The following RALYL variants were observed in gnomAD, a reference collection of about 807,000 sequenced individuals.
RALYL encodes the protein RNA-binding Raly-like protein.
Under a neutral mutation model 35.1 loss-of-function variants are expected in RALYL, and 29 were observed. The ratio of observed to expected loss-of-function variants is 0.83; its 90% CI spans 0.61 to 1.13. The LOEUF is 1.13. Ranked by LOEUF, RALYL falls within the 50% of genes most tolerant of loss-of-function variation. RALYL has a pLI of 0.00. For missense variants in RALYL, 359 were observed against 360.4 expected (o/e 1.00, Z 0.03); for synonymous variants, 120 against 127.6 (o/e 0.94, Z 0.40).
intron 1 of RALYL, among the ~76,000 whole-genome samples, chr8:84,453,340 A>G (rs1220913805): frequency 6.6e-6 from 1 of 152,002 alleles, no homozygotes; most frequent in African/African-American, 2.4e-5. Context: ...TACTTCAGAC[A>G]TGATATCTAT....
chr8:84,419,513 A>G (rs1434244866), intron 1 of RALYL, among the ~76,000 whole-genome samples: 1 of 152,034 alleles, frequency 6.6e-6, no homozygotes, highest in East Asian at 1.9e-4. Flanking sequence ...GAAGTCTATT[A>G]GAACTGCTAC....
chr8:84,418,443 C>T (rs1039906831), intron 1 of RALYL, among the ~76,000 whole-genome samples: 4 of 151,992 alleles, frequency 2.6e-5, no homozygotes, highest in East Asian at 1.9e-4. Context: ...TGTCTAGAAC[C>T]GCCATTATTT....
intron 1 of RALYL, among the ~76,000 whole-genome samples, chr8:84,275,009 T>C (rs954052971): frequency 1.3e-5 from 2 of 152,174 alleles, no homozygotes; most frequent in Non-Finnish European, 2.9e-5. Flanking sequence ...CTGACCATAT[T>C]TGCATCTGGT....
Position 84,873,410 on chromosome 8 carries a change from T to C in RALYL, c.685+13T>C. The C allele has an allele frequency of 6.8e-7, 1 of 1,476,816 alleles. No individual in the cohort carries two copies. The highest frequency in any genetic ancestry group is 9.4e-7 in the Non-Finnish European group (1 of 1,068,346). The allele number at this position is 1,476,816 out of a possible 1,614,324, so 91.5% of individuals were successfully genotyped here. A position where few individuals can be genotyped will look rare whatever the true frequency, so the allele number is the denominator to read the frequency against. On this transcript the variant is annotated intron_variant, in intron 7 of 8. Transcript: ENST00000521268. ...AAGGCGGAGGCAGGTAAGTGATCTC[T>C]GATCACAGACAGGTCAGAATTGAAC...
chr8:84,887,495 C>T, intron 7 of RALYL, 109 bp from the exon 8 acceptor site: 1 of 897,504 alleles, frequency 1.1e-6, no homozygotes, highest in South Asian at 2.2e-5. Flanking sequence ...TTCTGTACAC[C>T]TTTAATAGCA....
At chr8:84,207,800 G>A (rs1405894422) in intron 1 of RALYL, among the ~76,000 whole-genome samples, 1 of 135,872 alleles carries the variant, frequency 7.4e-6, no homozygotes, top group Non-Finnish European at 1.6e-5. Context: ...ATTTCATAAT[G>A]TGTGTGTGTG....
At chr8:84,197,159 C>A (rs1815517837) in intron 1 of RALYL, among the ~76,000 whole-genome samples, 1 of 152,060 alleles carries the variant, frequency 6.6e-6, no homozygotes, top group East Asian at 1.9e-4. Flanking sequence ...AATTGAATAC[C>A]AACTTAGTTT....
chr8:84,518,166 C>T (rs187708579), intron 1 of RALYL, among the ~76,000 whole-genome samples: 140 of 151,908 alleles, frequency 9.2e-4, no homozygotes, highest in African/African-American at 3.1e-3. Flanking sequence ...TATAGTTATA[C>T]CTATAGTCAA....
chr8:84,726,911 C>T (rs1460720755), intron 2 of RALYL, among the ~76,000 whole-genome samples: 1 of 152,050 alleles, frequency 6.6e-6, no homozygotes, highest in Non-Finnish European at 1.5e-5. Flanking sequence ...AGGTAGTTAA[C>T]AAAATGCCTT....
At chr8:84,468,719 G>T (rs1387391188) in intron 1 of RALYL, among the ~76,000 whole-genome samples, 38 of 150,692 alleles carry the variant, frequency 2.5e-4, no homozygotes, top group Admixed American at 2.5e-3. Flanking sequence ...AGTTCTCCTG[G>T]ATAATATCCT....
At position 84,906,236 on chromosome 8, in the gene RALYL, A is replaced by T. The variant is rs1377831024; in HGVS notation, c.859-14658A>T. Among the ~76,000 whole-genome samples, 13 of 152,208 alleles carry T rather than the reference A, an allele frequency of 8.5e-5. No homozygotes were observed. The South Asian group carries it at 2.7e-3, about 32-fold the overall frequency. ...ATTTTTTAATGCTCCAAATACAAAT[A>T]TAATTGATTCATTTCCCAGTGTTTC... On this transcript the variant is annotated intron_variant, in intron 8 of 8. Coordinates refer to ENST00000521268, the MANE Select transcript of RALYL (RefSeq NM_173848.7).
chr8:84,694,691 C>T (rs1253473753), intron 2 of RALYL, among the ~76,000 whole-genome samples: 1 of 151,808 alleles, frequency 6.6e-6, no homozygotes, highest in East Asian at 1.9e-4. Flanking sequence ...ATCATTTTAC[C>T]TAACTTTAAA....
intron 1 of RALYL, among the ~76,000 whole-genome samples, chr8:84,239,847 G>A (rs1449225680): frequency 7.9e-5 from 12 of 152,016 alleles, no homozygotes; most frequent in Admixed American, 3.9e-4. Flanking sequence ...AGCCGAGATC[G>A]CGCCACTGCA....
At chr8:84,288,612 C>A (rs1233383194) in intron 1 of RALYL, among the ~76,000 whole-genome samples, 1 of 147,366 alleles carries the variant, frequency 6.8e-6, no homozygotes, top group Non-Finnish European at 1.5e-5. Context: ...AATTGTATTG[C>A]CCAGTTTGAA....
chr8:84,675,594 T>C (rs79375042), intron 2 of RALYL, among the ~76,000 whole-genome samples: 5,204 of 152,292 alleles, frequency 0.034, 141 homozygotes, highest in Non-Finnish European at 0.055. Flanking sequence ...ATTTTCATGC[T>C]CATACAAATA....
intron 1 of RALYL, among the ~76,000 whole-genome samples, chr8:84,187,178 A>G (rs1258398524): frequency 6.6e-6 from 1 of 152,276 alleles, no homozygotes; most frequent in Middle Eastern, 3.4e-3. Context: ...CTAAACTGTG[A>G]CAAAGAAATA....
intron 2 of RALYL, among the ~76,000 whole-genome samples, chr8:84,601,333 A>G (rs1429364011): frequency 6.6e-6 from 1 of 152,122 alleles, no homozygotes; most frequent in Non-Finnish European, 1.5e-5. Flanking sequence ...GTGTTTCCCA[A>G]AAAGCTACAA....
chr8:84,483,458 C>G (rs370007664), intron 1 of RALYL, among the ~76,000 whole-genome samples: 26 of 152,170 alleles, frequency 1.7e-4, no homozygotes, highest in Admixed American at 1.2e-3. Context: ...GGTGACTGAT[C>G]GATGACTTTC....
At chr8:84,622,161 C>A (rs1821675140) in intron 2 of RALYL, among the ~76,000 whole-genome samples, 2 of 152,088 alleles carry the variant, frequency 1.3e-5, no homozygotes, top group Admixed American at 6.5e-5. Context: ...AAAATTTGAG[C>A]TTTAACACTG....
Sources: gnomAD v4.1 joint callset for allele counts (sites outside exome capture counted in the v4.1 genomes callset) on GRCh38, gnomAD v4.1.1 for gene constraint, MANE v1.5 for transcripts, NCBI Gene and HGNC (gene_info 2026-07-23, HGNC 2026-07-21) for gene names.